WWOX: variants seen among roughly 807,000 people sequenced by gnomAD.
The protein encoded by WWOX is WW domain-containing oxidoreductase.
A neutral mutation model predicts 46.2 loss-of-function variants in WWOX; 69 were observed. The ratio of observed to expected loss-of-function variants is 1.49; its 90% CI spans 1.23 to 1.82. WWOX has a LOEUF of 1.82. WWOX is among the 40% of genes most tolerant of loss of function. WWOX has a pLI of 0.00. For missense variants in WWOX, 919 were observed against 542.6 expected (o/e 1.69, Z -6.89); for synonymous variants, 359 against 202.6 (o/e 1.77, Z -6.56).
intron 5 of WWOX, among the ~76,000 whole-genome samples, chr16:78,254,064 T>C (rs2038056331): frequency 6.6e-6 from 1 of 152,082 alleles, no homozygotes; most frequent in African/African-American, 2.4e-5. Flanking sequence ...ATGTCTTTCG[T>C]GAAGAATTCT....
intron 8 of WWOX, among the ~76,000 whole-genome samples, chr16:78,958,259 T>C (rs567733150): frequency 6.6e-5 from 10 of 152,340 alleles, no homozygotes; most frequent in Non-Finnish European, 1.3e-4. Context: ...AATGGTCCTT[T>C]TAATGTCATC....
chr16:79,033,644 G>C (rs1597306179), intron 8 of WWOX, among the ~76,000 whole-genome samples: 1 of 152,158 alleles, frequency 6.6e-6, no homozygotes, highest in South Asian at 2.1e-4. Context: ...CTAACATCAT[G>C]ACCATCCATC....
At chr16:79,013,839 CT>C (rs1167235584) in intron 8 of WWOX, among the ~76,000 whole-genome samples, 1 of 152,180 alleles carries the variant, frequency 6.6e-6, no homozygotes, top group Non-Finnish European at 1.5e-5. Context: ...CTTTATTCTA[CT>C]TTTCATTCTC....
chr16:78,219,738 A>G (rs1296368382), intron 5 of WWOX, among the ~76,000 whole-genome samples: 1 of 152,206 alleles, frequency 6.6e-6, no homozygotes, highest in Non-Finnish European at 1.5e-5. Context: ...TCCTAAAACA[A>G]TAAAGACCCC....
At chr16:79,128,282 C>G (rs956127726) in intron 8 of WWOX, among the ~76,000 whole-genome samples, 1 of 151,696 alleles carries the variant, frequency 6.6e-6, no homozygotes, top group Non-Finnish European at 1.5e-5. Context: ...TTCCAATCCA[C>G]GTGTGTTCAG....
chr16:78,634,175 C>CT (rs371020463), intron 8 of WWOX, among the ~76,000 whole-genome samples: 33 of 152,214 alleles, frequency 2.2e-4, no homozygotes, highest in African/African-American at 6.3e-4. Context: ...TAGAGATTCG[C>CT]TTTTTTGTGT....
chr16:79,201,073 C>T (rs868601265), intron 8 of WWOX, among the ~76,000 whole-genome samples: 1 of 152,118 alleles, frequency 6.6e-6, no homozygotes. Context: ...ATTATTATGT[C>T]GACTTTCCAG....
rs111244565 is a variant in WWOX, at chr16:78,691,939, T to C, written c.1056+259187T>C. Among the ~76,000 whole-genome samples, 13 of 152,298 alleles carry C rather than the reference T, an allele frequency of 8.5e-5. 1 individual carries two copies. The highest frequency in any genetic ancestry group is 3.1e-4 in the African/African-American group (13 of 41,568). The stretch of plus-strand genomic sequence containing the variant: ...CTTTCCCATGCTATTCTCATAATAG[T>C]GAATAAGTCTCATGAGATCTGATGG... On this transcript the variant is annotated intron_variant, in intron 8 of 8. Coordinates refer to ENST00000566780, the MANE Select transcript of WWOX (RefSeq NM_016373.4).
At chr16:78,832,815 C>G (rs544041288) in intron 8 of WWOX, among the ~76,000 whole-genome samples, 8 of 152,248 alleles carry the variant, frequency 5.3e-5, no homozygotes, top group Admixed American at 3.3e-4. Context: ...CTGTGATATT[C>G]ATTACAGAAC....
At chr16:78,306,873 C>T (rs1342650131) in intron 5 of WWOX, among the ~76,000 whole-genome samples, 1 of 152,192 alleles carries the variant, frequency 6.6e-6, no homozygotes, top group Non-Finnish European at 1.5e-5. Context: ...CTCCTTCCCA[C>T]AATTCCCAGT....
chr16:79,124,971 A>G (rs2049719552), intron 8 of WWOX, among the ~76,000 whole-genome samples: 1 of 152,024 alleles, frequency 6.6e-6, no homozygotes, highest in African/African-American at 2.4e-5. Context: ...TTTTCTCCAG[A>G]TCATTCACAT....
chr16:78,412,470 T>A (rs1178367737), intron 6 of WWOX, among the ~76,000 whole-genome samples: 1 of 152,132 alleles, frequency 6.6e-6, no homozygotes, highest in Non-Finnish European at 1.5e-5. Context: ...GTCATGGATT[T>A]GGAAGAAACT....
intron 8 of WWOX, among the ~76,000 whole-genome samples, chr16:79,148,441 A>G (rs567346067): frequency 2.0e-5 from 3 of 152,274 alleles, no homozygotes; most frequent in South Asian, 2.1e-4. Context: ...CTCTCTGACA[A>G]TTATACGCTG....
intron 8 of WWOX, among the ~76,000 whole-genome samples, chr16:78,942,910 C>T (rs954790801): frequency 1.3e-5 from 2 of 152,138 alleles, no homozygotes; most frequent in African/African-American, 4.8e-5. Flanking sequence ...GCTGACTGCC[C>T]ATCCCCTCCT....
At chr16:79,166,611 C>G (rs1162028275) in intron 8 of WWOX, among the ~76,000 whole-genome samples, 1 of 152,166 alleles carries the variant, frequency 6.6e-6, no homozygotes, top group Non-Finnish European at 1.5e-5. Flanking sequence ...TCGAGTTGTG[C>G]TGGTTAACTG....
intron 5 of WWOX, among the ~76,000 whole-genome samples, chr16:78,221,929 A>C (rs188905368): frequency 3.3e-5 from 5 of 152,046 alleles, no homozygotes; most frequent in Admixed American, 1.3e-4. Context: ...CTTATACATA[A>C]TCTATTTTCT....
chr16:78,202,258 G>C (rs569045138), intron 5 of WWOX, among the ~76,000 whole-genome samples: 32 of 152,306 alleles, frequency 2.1e-4, no homozygotes, highest in Admixed American at 1.8e-3. Flanking sequence ...AAGAGTTGTT[G>C]GTCCTGGTGC....
chr16:78,581,947 G>C (rs1275147423), intron 8 of WWOX, among the ~76,000 whole-genome samples: 1 of 152,104 alleles, frequency 6.6e-6, no homozygotes, highest in Non-Finnish European at 1.5e-5. Context: ...ATCACTCCTA[G>C]CATCTGTGAA....
intron 5 of WWOX, among the ~76,000 whole-genome samples, chr16:78,362,674 A>G (rs1040645823): frequency 4.6e-5 from 7 of 152,134 alleles, no homozygotes; most frequent in Admixed American, 1.3e-4. Flanking sequence ...AGAGGCATTT[A>G]TTTCTTTTAG....
Sources: gnomAD v4.1 joint callset for allele counts (sites outside exome capture counted in the v4.1 genomes callset) on GRCh38, gnomAD v4.1.1 for gene constraint, MANE v1.5 for transcripts, NCBI Gene and HGNC (gene_info 2026-07-23, HGNC 2026-07-21) for gene names.